LUZP1: variants seen among roughly 807,000 people sequenced by gnomAD.
LUZP1 encodes leucine zipper protein 1.
In LUZP1, 25 loss-of-function variants were observed where a neutral mutation model predicts 71.3. The observed-to-expected ratio is 0.35, with a 90% CI of 0.26 to 0.49. LUZP1 has a LOEUF of 0.49. Ranked by LOEUF, LUZP1 falls within the 20% of genes least tolerant of loss-of-function variation. LUZP1 has a pLI of 0.99. For synonymous variants in LUZP1, 481 were observed against 506.4 expected (o/e 0.95, Z 0.67); for missense variants, 1,142 against 1,300.8 (o/e 0.88, Z 1.88).
chr1:23,126,269 C>T (rs1408351113), intron 2 of LUZP1, among the ~76,000 whole-genome samples: 1 of 152,106 alleles, frequency 6.6e-6, no homozygotes, highest in East Asian at 1.9e-4. Flanking sequence ...ATATAAAGGG[C>T]CCTTCTAAAT....
intron 2 of LUZP1, among the ~76,000 whole-genome samples, chr1:23,167,970 C>T (rs1238526700): frequency 3.3e-5 from 5 of 151,584 alleles, no homozygotes; most frequent in Non-Finnish European, 7.4e-5. Flanking sequence ...AGGCCCCGGC[C>T]CCGCTCGCCG....
intron 2 of LUZP1, among the ~76,000 whole-genome samples, chr1:23,130,206 A>G (rs1236735749): frequency 6.6e-6 from 1 of 152,182 alleles, no homozygotes; most frequent in Admixed American, 6.6e-5. Flanking sequence ...TCTTCAGTGG[A>G]ACCTTTCCAC....
chr1:23,116,108 C>T (rs1424120933), intron 2 of LUZP1, among the ~76,000 whole-genome samples: 2 of 152,180 alleles, frequency 1.3e-5, no homozygotes, highest in African/African-American at 4.8e-5. Flanking sequence ...AGGCCAGGTG[C>T]AGTGACTCAC....
intron 3 of LUZP1, among the ~76,000 whole-genome samples, chr1:23,099,128 G>T (rs1345402881): frequency 6.6e-6 from 1 of 151,984 alleles, no homozygotes; most frequent in Admixed American, 6.6e-5. Context: ...AAACGGAGAG[G>T]GAAAAAACCT....
At chr1:23,088,759 C>T (rs1431381603) in exon 5 of LUZP1, 2 of 1,276,346 alleles carry the variant, frequency 1.6e-6, no homozygotes, top group African/African-American at 1.5e-5. Flanking sequence ...ACCTGAGCCA[C>T]AGCCCGGCTC....
chr1:23,139,101 TATATAG>T (rs1179731729), intron 2 of LUZP1, among the ~76,000 whole-genome samples: 3 of 145,426 alleles, frequency 2.1e-5, no homozygotes, highest in East Asian at 2.0e-4. Flanking sequence ...ATATAGATTA[TATATAG>T]ATATAGATTT....
chr1:23,083,658 A>ATAT (rs948996726), downstream of LUZP1: 3 of 228,448 alleles, frequency 1.3e-5, no homozygotes, highest in African/African-American at 2.3e-5. Flanking sequence ...TTTTTTTTTT[A>ATAT]TATTTTGAGA....
At chr1:23,097,137 C>A (rs906356481) in intron 3 of LUZP1, among the ~76,000 whole-genome samples, 1 of 152,170 alleles carries the variant, frequency 6.6e-6, no homozygotes, top group Non-Finnish European at 1.5e-5. Flanking sequence ...AAGGGTTGAA[C>A]TTGCTCCCTC....
At chr1:23,118,961 G>A (rs1644108095) in intron 2 of LUZP1, among the ~76,000 whole-genome samples, 4 of 152,022 alleles carry the variant, frequency 2.6e-5, no homozygotes, top group African/African-American at 7.2e-5. Context: ...ATCTCTACTT[G>A]AGCAATTTTC....
chr1:23,084,413 G>A (rs1269381362), exon 5 of LUZP1: 1 of 151,846 alleles, frequency 6.6e-6, no homozygotes, highest in African/African-American at 2.4e-5. Flanking sequence ...TTCTCCTGTA[G>A]TCAAATCTTT....
chr1:23,119,847 T>C (rs1386445644), intron 2 of LUZP1, among the ~76,000 whole-genome samples: 1 of 152,174 alleles, frequency 6.6e-6, no homozygotes, highest in Non-Finnish European at 1.5e-5. Context: ...GAAAGAATAA[T>C]TCATCTCCCT....
chr1:23,154,901 A>C (rs1252713385), intron 2 of LUZP1, among the ~76,000 whole-genome samples: 1 of 151,570 alleles, frequency 6.6e-6, no homozygotes, highest in Non-Finnish European at 1.5e-5. Context: ...TGCTCCATTA[A>C]CTGTCCTCCC....
chr1:23,129,556 G>A (rs1644198209), intron 2 of LUZP1, among the ~76,000 whole-genome samples: 1 of 152,278 alleles, frequency 6.6e-6, no homozygotes, highest in Admixed American at 6.5e-5. Context: ...ACTCCACCTT[G>A]AGCAATAAGA....
intron 3 of LUZP1, among the ~76,000 whole-genome samples, chr1:23,100,327 A>C (rs1643920962): frequency 6.6e-6 from 1 of 152,218 alleles, no homozygotes; most frequent in Admixed American, 6.5e-5. Flanking sequence ...ATTACAAAGG[A>C]GAAAACAGAT....
At position 23,091,888 on chromosome 1, in the gene LUZP1, C is replaced by T. The variant is rs1643861445; in HGVS notation, c.2374G>A (p.Val792Met). 3 of 1,614,084 alleles carry T rather than the reference C, an allele frequency of 1.9e-6. No individual in the cohort carries two copies. The African/African-American group carries it at 4.0e-5, about 22-fold the overall frequency. The stretch of plus-strand genomic sequence containing the variant: ...GGATATATAGTAATGCTACTTGTCA[C>T]TTTGTTTGGCCCTGGTTTGGAGACG... The change falls in exon 4 of 5, where the codon GTG becomes ATG. Residue 792 changes from valine to methionine, a missense_variant. By Grantham distance (21) the Val-to-Met change is conservative (BLOSUM62 1). Transcript: ENST00000302291.
Position 23,093,732 on chromosome 1 carries a change from T to C in LUZP1, c.530A>G (p.Gln177Arg). The change falls in exon 4 of 5, where the codon CAG becomes CGG. Residue 177 changes from glutamine (Q) to arginine (R), a missense_variant. By Grantham distance (43) the Gln-to-Arg change is conservative. Coordinates refer to ENST00000302291, the Ensembl canonical transcript of LUZP1. The surrounding 1 kb of genome is among the most constrained non-coding windows in gnomAD (Gnocchi z 4.2). Reference sequence around the variant, plus strand: ...CTTTTCTAACTCTGACGCTAAACTCTGCTCAGTTTTATCCAGGCGGTCCTC... The same window carrying C: ...CTTTTCTAACTCTGACGCTAAACTCCGCTCAGTTTTATCCAGGCGGTCCTC... 6.2e-7 allele frequency: 1 copy of C among 1,613,838 alleles called. No homozygotes were observed. Among genetic ancestry groups the C allele is most frequent in the Non-Finnish European group, 8.5e-7 (1 of 1,180,042 alleles).
chr1:23,177,083 G>C (rs890374080), intron 1 of LUZP1, among the ~76,000 whole-genome samples: 2 of 145,382 alleles, frequency 1.4e-5, no homozygotes, highest in African/African-American at 5.1e-5. Flanking sequence ...TGGGGGGGGG[G>C]TCTCACTATG....
chr1:23,117,367 C>T (rs908323471), intron 2 of LUZP1, among the ~76,000 whole-genome samples: 3 of 150,572 alleles, frequency 2.0e-5, no homozygotes, highest in African/African-American at 7.4e-5. Context: ...CATTAAATGC[C>T]TAAGCACATA....
At chr1:23,095,973 T>C (rs898766993) in intron 3 of LUZP1, among the ~76,000 whole-genome samples, 4 of 152,164 alleles carry the variant, frequency 2.6e-5, no homozygotes, top group Non-Finnish European at 5.9e-5. Context: ...CAGCTGAACC[T>C]GAGCTTATAA....
Sources: gnomAD v4.1 joint callset for allele counts (sites outside exome capture counted in the v4.1 genomes callset) on GRCh38, gnomAD v4.1.1 for gene constraint, Gnocchi (gnomAD v3.1) non-coding constraint, MANE v1.5 for transcripts, NCBI Gene and HGNC (gene_info 2026-07-23, HGNC 2026-07-21) for gene names.